CNTN1: variants seen among roughly 807,000 people sequenced by gnomAD.
CNTN1 encodes the protein contactin 1.
In CNTN1, 38 loss-of-function variants were observed where a neutral mutation model predicts 126.4. That is an observed-to-expected ratio of 0.30 (90% CI 0.23 to 0.39). The LOEUF (loss-of-function observed/expected upper bound fraction) is 0.39, where lower values mean the gene tolerates loss of function less well. CNTN1 is among the 10% of genes least tolerant of loss of function. The pLI is 1.00. For missense variants in CNTN1, 1,009 were observed against 1,248.4 expected (o/e 0.81, Z 2.89); for synonymous variants, 413 against 422.6 (o/e 0.98, Z 0.28).
At chr12:40,776,229 A>G (rs1939571939) in intron 1 of CNTN1, among the ~76,000 whole-genome samples, 1 of 151,732 alleles carries the variant, frequency 6.6e-6, no homozygotes, top group South Asian at 2.1e-4. Flanking sequence ...ATAGAATTCT[A>G]CAACACTGTA....
intron 6 of CNTN1, among the ~76,000 whole-genome samples, chr12:40,927,478 T>C (rs1257812613): frequency 1.3e-5 from 2 of 152,040 alleles, no homozygotes; most frequent in Admixed American, 6.6e-5. Context: ...CAGTTCTGCC[T>C]CCCGTTTGCT....
At chr12:40,875,041 G>T (rs974184057) in intron 1 of CNTN1, among the ~76,000 whole-genome samples, 2 of 152,124 alleles carry the variant, frequency 1.3e-5, no homozygotes, top group Non-Finnish European at 2.9e-5. Flanking sequence ...GTATATACAA[G>T]AGTGCTCTAG....
chr12:40,951,750 A>G (rs1946695501), intron 14 of CNTN1, among the ~76,000 whole-genome samples: 1 of 149,946 alleles, frequency 6.7e-6, no homozygotes, highest in Non-Finnish European at 1.5e-5. Context: ...AAAGAAGAAA[A>G]GGAAAATGGT....
intron 1 of CNTN1, among the ~76,000 whole-genome samples, chr12:40,897,656 T>C (rs1944457575): frequency 6.6e-6 from 1 of 152,128 alleles, no homozygotes; most frequent in Admixed American, 6.6e-5. Context: ...TTGATATAAA[T>C]TCGAATAAAA....
rs149071484 is a variant in CNTN1 at position 40,744,990 on chromosome 12, TATA to T, written c.-77+52401_-77+52403del. On this transcript the variant is annotated intron_variant, in intron 1 of 23. Coordinates refer to ENST00000551295, the MANE Select transcript of CNTN1 (RefSeq NM_001843.4). Reference sequence around the variant, plus strand: ...TGTTTGTGATTGGACTGTAGCAATGTATAATCTGCTTCATTCACTTAATATTTG... The same window carrying T: ...TGTTTGTGATTGGACTGTAGCAATGTATCTGCTTCATTCACTTAATATTTG... 5.3e-4 allele frequency among the ~76,000 whole-genome samples: 81 copies of T among 152,294 alleles called. 2 individuals carry two copies. In the East Asian group the frequency reaches 0.016, roughly 29 times the overall value.
At chr12:40,714,259 C>A (rs1592001855) in intron 1 of CNTN1, among the ~76,000 whole-genome samples, 1 of 151,958 alleles carries the variant, frequency 6.6e-6, no homozygotes, top group Admixed American at 6.6e-5. Context: ...GCAGTTTGGG[C>A]ACTTCATGAA....
chr12:40,943,379 C>T (rs903899829), intron 12 of CNTN1, among the ~76,000 whole-genome samples: 43 of 151,510 alleles, frequency 2.8e-4, no homozygotes, highest in African/African-American at 1.0e-3. Flanking sequence ...GGCAATAGTT[C>T]AAGAAAAAGA....
At chr12:40,935,666 C>T (rs1946055426) in intron 9 of CNTN1, among the ~76,000 whole-genome samples, 2 of 151,880 alleles carry the variant, frequency 1.3e-5, no homozygotes, top group African/African-American at 2.4e-5. Flanking sequence ...CAAAATAAAA[C>T]CTTTCTCCCT....
intron 1 of CNTN1, among the ~76,000 whole-genome samples, chr12:40,795,616 TTC>T (rs1363419746): frequency 6.6e-6 from 1 of 152,032 alleles, no homozygotes; most frequent in Non-Finnish European, 1.5e-5. Context: ...ATTCTATTGT[TTC>T]TCTTAAAAAC....
intron 17 of CNTN1, among the ~76,000 whole-genome samples, chr12:41,011,305 T>C (rs1314242603): frequency 2.0e-5 from 3 of 152,192 alleles, no homozygotes; most frequent in Non-Finnish European, 2.9e-5. Flanking sequence ...AAAGGTCTAG[T>C]AAGAAGGCCA....
chr12:40,844,311 C>A (rs1274344531), intron 1 of CNTN1, among the ~76,000 whole-genome samples: 3 of 151,858 alleles, frequency 2.0e-5, no homozygotes, highest in Non-Finnish European at 4.4e-5. Flanking sequence ...CACGATACAC[C>A]CGCCTCGGCC....
intron 1 of CNTN1, among the ~76,000 whole-genome samples, chr12:40,709,251 C>G (rs1464821030): frequency 6.6e-6 from 1 of 152,194 alleles, no homozygotes; most frequent in African/African-American, 2.4e-5. Context: ...GGTGCATTGT[C>G]AATGAGCAGT....
At chr12:40,784,002 C>T (rs1939904612) in intron 1 of CNTN1, among the ~76,000 whole-genome samples, 1 of 152,070 alleles carries the variant, frequency 6.6e-6, no homozygotes, top group Non-Finnish European at 1.5e-5. Flanking sequence ...TAGATATTCT[C>T]TTCAAGATTC....
At chr12:40,888,776 A>G (rs1231697199) in intron 1 of CNTN1, among the ~76,000 whole-genome samples, 1 of 152,244 alleles carries the variant, frequency 6.6e-6, no homozygotes, top group Admixed American at 6.5e-5. Context: ...TATCAGTTTA[A>G]TAAACAGAGT....
chr12:40,769,653 T>C (rs1939257623), intron 1 of CNTN1, among the ~76,000 whole-genome samples: 1 of 152,154 alleles, frequency 6.6e-6, no homozygotes, highest in African/African-American at 2.4e-5. Context: ...GTTTTGTTCA[T>C]CATGAATTTT....
At chr12:40,857,184 G>T (rs561063362) in intron 1 of CNTN1, among the ~76,000 whole-genome samples, 2 of 152,180 alleles carry the variant, frequency 1.3e-5, no homozygotes, top group Admixed American at 6.6e-5. Context: ...AGATGCTGGG[G>T]AATATGTGAT....
intron 1 of CNTN1, among the ~76,000 whole-genome samples, chr12:40,766,521 T>A (rs1939103211): frequency 6.6e-6 from 1 of 152,158 alleles, no homozygotes; most frequent in Non-Finnish European, 1.5e-5. Context: ...GGATGGGGCT[T>A]GGTCCTGCAA....
rs537280208 is a variant in CNTN1 at position 41,048,356 on chromosome 12, A to G, written c.2980+19137A>G. ...TTCCTTTAATTTCTAACACATCTTT[A>G]CCATCTTCTCTCTTTAGTCAATGAC... is the stretch of plus-strand genomic sequence containing the variant. On this transcript the variant is annotated intron_variant, in intron 23 of 23. Transcript: ENST00000551295. Among the ~76,000 whole-genome samples, 16 of 152,050 alleles carry G rather than the reference A, an allele frequency of 1.1e-4. No homozygotes were observed. The South Asian group carries it at 2.9e-3, about 28-fold the overall frequency.
intron 6 of CNTN1, among the ~76,000 whole-genome samples, chr12:40,929,273 T>A (rs1410059061): frequency 6.6e-6 from 1 of 151,834 alleles, no homozygotes; most frequent in Non-Finnish European, 1.5e-5. Flanking sequence ...GTTTCTGTGG[T>A]TTCCCTTTTT....
Sources: gnomAD v4.1 joint callset for allele counts (sites outside exome capture counted in the v4.1 genomes callset) on GRCh38, gnomAD v4.1.1 for gene constraint, MANE v1.5 for transcripts, NCBI Gene and HGNC (gene_info 2026-07-23, HGNC 2026-07-21) for gene names.